CEP85L: variants seen among roughly 807,000 people sequenced by gnomAD.
CEP85L encodes centrosomal protein 85L, also known as centrosomal protein of 85 kDa-like.
CEP85L carries 60 observed loss-of-function variants against 100.3 expected under a neutral mutation model. That is an observed-to-expected ratio of 0.60 (90% CI 0.49 to 0.74). CEP85L has a LOEUF of 0.74. Ranked by LOEUF, CEP85L falls within the 30% of genes least tolerant of loss-of-function variation. The probability of loss-of-function intolerance (pLI) is 0.00; values close to 1 mark genes in which losing one functional copy is unlikely to be tolerated. For synonymous variants in CEP85L, 319 were observed against 322.7 expected (o/e 0.99, Z 0.12); for missense variants, 973 against 936.2 (o/e 1.04, Z -0.51).
At chr6:118,626,951 G>A (rs778753384) in intron 2 of CEP85L, among the ~76,000 whole-genome samples, 36 of 152,310 alleles carry the variant, frequency 2.4e-4, no homozygotes, top group Non-Finnish European at 5.0e-4. Flanking sequence ...TGTAATCCCA[G>A]CAGTTTGAGA....
In CEP85L at chr6:118,565,521, C is replaced by T; in HGVS notation, c.1020+8G>A. 6.2e-7 allele frequency: 1 copy of T among 1,613,428 alleles called. No homozygotes were observed. On this transcript the variant is annotated splice_region_variant and intron_variant, in intron 3 of 12. Transcript: ENST00000368491. ...GGAGGGAAGCAAACACTAGATTTTG[C>T]ACCTTACCTGCATTGGTGTTTCACT...
At chr6:118,491,384 C>CA (rs957004929) in intron 6 of CEP85L, 149 of 838,554 alleles carry the variant, frequency 1.8e-4, no homozygotes, top group South Asian at 2.0e-4. Context: ...CCCAACATGA[C>CA]AAAAAAAATG....
intron 3 of CEP85L, among the ~76,000 whole-genome samples, chr6:118,543,689 C>T (rs1245899418): frequency 6.6e-6 from 1 of 152,112 alleles, no homozygotes; most frequent in East Asian, 1.9e-4. Flanking sequence ...GAAGAAATAA[C>T]ATATAATGGC....
chr6:118,496,923 A>G (rs1774965625), intron 5 of CEP85L, among the ~76,000 whole-genome samples: 1 of 152,252 alleles, frequency 6.6e-6, no homozygotes. Flanking sequence ...AGGGCAATGC[A>G]TAAACATTGG....
At chr6:118,627,657 C>A (rs1056192281) in intron 2 of CEP85L, among the ~76,000 whole-genome samples, 3 of 152,154 alleles carry the variant, frequency 2.0e-5, no homozygotes, top group Non-Finnish European at 4.4e-5. Context: ...CAGACTTTTA[C>A]GAGTTTTACT....
chr6:118,531,977 T>G (rs566557218), intron 3 of CEP85L, among the ~76,000 whole-genome samples: 1 of 152,294 alleles, frequency 6.6e-6, no homozygotes, highest in South Asian at 2.1e-4. Flanking sequence ...GAATTACCAT[T>G]TGACATGGCA....
intron 2 of CEP85L, among the ~76,000 whole-genome samples, chr6:118,609,288 A>C (rs1326161604): frequency 6.6e-6 from 1 of 152,198 alleles, no homozygotes; most frequent in South Asian, 2.1e-4. Flanking sequence ...TTTTTGCTCC[A>C]TATAATTTTT....
chr6:118,653,467 C>T (rs1333779177), upstream of CEP85L, among the ~76,000 whole-genome samples: 1 of 152,080 alleles, frequency 6.6e-6, no homozygotes, highest in African/African-American at 2.4e-5. Context: ...TAATGCTTCC[C>T]CCCAAATCCA....
chr6:118,505,777 G>C (rs957142139), intron 5 of CEP85L, among the ~76,000 whole-genome samples: 21 of 152,162 alleles, frequency 1.4e-4, no homozygotes, highest in African/African-American at 4.8e-4. Flanking sequence ...TTCTAGGGCA[G>C]TGAAACTACT....
At chr6:118,580,354 G>A (rs1023716060) in intron 2 of CEP85L, among the ~76,000 whole-genome samples, 29 of 152,176 alleles carry the variant, frequency 1.9e-4, no homozygotes, top group African/African-American at 6.3e-4. Flanking sequence ...CCGGGAATCC[G>A]AGGTACAACA....
chr6:118,688,162 C>T (rs938855515), intron 1 of CEP85L, among the ~76,000 whole-genome samples: 22 of 152,114 alleles, frequency 1.4e-4, no homozygotes, highest in Admixed American at 2.0e-4. Context: ...CCACCACACC[C>T]GGCTAATTTT....
chr6:118,664,769 C>T (rs536714289), intron 1 of CEP85L, among the ~76,000 whole-genome samples: 5 of 151,960 alleles, frequency 3.3e-5, no homozygotes, highest in Non-Finnish European at 7.4e-5. Context: ...TAAAAATAAT[C>T]GCAGTGACCA....
intron 3 of CEP85L, among the ~76,000 whole-genome samples, chr6:118,542,919 A>AAAAAAAAAAAAAAAAAAAAAAAAAC (rs1562245143): frequency 6.6e-6 from 1 of 150,758 alleles, no homozygotes; most frequent in African/African-American, 2.4e-5. Flanking sequence ...AAAAAAAAAA[A>AAAAAAAAAAAAAAAAAAAAAAAAAC]AAAACAGGAT....
At chr6:118,686,384 C>T (rs574599166) in intron 1 of CEP85L, among the ~76,000 whole-genome samples, 2 of 152,144 alleles carry the variant, frequency 1.3e-5, no homozygotes, top group African/African-American at 4.8e-5. Flanking sequence ...TCTTTGTTCT[C>T]ACTCCCAGTC....
chr6:118,620,863 G>A (rs917153113), intron 2 of CEP85L, among the ~76,000 whole-genome samples: 10 of 152,094 alleles, frequency 6.6e-5, no homozygotes, highest in African/African-American at 9.7e-5. Context: ...CTCTTTTCAC[G>A]TCTTTCTTAT....
At chr6:118,570,137 A>C (rs567574498) in intron 2 of CEP85L, among the ~76,000 whole-genome samples, 1 of 152,338 alleles carries the variant, frequency 6.6e-6, no homozygotes, top group African/African-American at 2.4e-5. Flanking sequence ...GAATACACAC[A>C]AAACTTAATA....
At chr6:118,540,426 C>A (rs1777842761) in intron 3 of CEP85L, among the ~76,000 whole-genome samples, 1 of 152,036 alleles carries the variant, frequency 6.6e-6, no homozygotes, top group Admixed American at 6.6e-5. Context: ...AAGATTATAG[C>A]TCAAAGATCA....
chr6:118,604,429 T>C (rs1287433052), intron 2 of CEP85L, among the ~76,000 whole-genome samples: 1 of 152,250 alleles, frequency 6.6e-6, no homozygotes, highest in East Asian at 1.9e-4. Flanking sequence ...TTTAGCTTTA[T>C]TCTAACTTAA....
chr6:118,523,661 T>C (rs1047950148), intron 4 of CEP85L, 141 bp downstream of exon 4: 43 of 463,258 alleles, frequency 9.3e-5, no homozygotes, highest in African/African-American at 6.8e-4. Context: ...AGGATTGGGA[T>C]TGAGGAGGGG....
Sources: gnomAD v4.1 joint callset for allele counts (sites outside exome capture counted in the v4.1 genomes callset) on GRCh38, gnomAD v4.1.1 for gene constraint, MANE v1.5 for transcripts, NCBI Gene and HGNC (gene_info 2026-07-23, HGNC 2026-07-21) for gene names.